Variants in ASTN2 observed in about 807,000 individuals in gnomAD.
ASTN2 encodes astrotactin 2, also known as astrotactin-2.
ASTN2 carries 54 observed loss-of-function variants against 139.8 expected under a neutral mutation model. The ratio of observed to expected loss-of-function variants is 0.39; its 90% confidence interval spans 0.31 to 0.48. The LOEUF (loss-of-function observed/expected upper bound fraction) is 0.48, where lower values mean the gene tolerates loss of function less well. Ranked by LOEUF, ASTN2 falls within the 20% of genes least tolerant of loss-of-function variation. The pLI, the probability that ASTN2 is intolerant of heterozygous loss-of-function variation, is 0.95. For synonymous variants in ASTN2, 756 were observed against 719.5 expected (o/e 1.05, Z -0.81); for missense variants, 1,565 against 1,725.1 (o/e 0.91, Z 1.64).
intron 1 of ASTN2, among the ~76,000 whole-genome samples, chr9:117,379,955 A>T (rs1017597503): frequency 6.6e-6 from 1 of 152,184 alleles, no homozygotes; most frequent in South Asian, 2.1e-4. Flanking sequence ...TACAAAGATC[A>T]ATCTGACAAC....
intron 1 of ASTN2, among the ~76,000 whole-genome samples, chr9:117,399,656 A>G (rs191998498): frequency 4.6e-5 from 7 of 152,338 alleles, no homozygotes; most frequent in South Asian, 2.1e-4. Flanking sequence ...ACCTTATGCA[A>G]TAAGGGTCTA....
chr9:117,256,447 T>A (rs959377106), intron 2 of ASTN2, among the ~76,000 whole-genome samples: 6 of 152,172 alleles, frequency 3.9e-5, no homozygotes, highest in Admixed American at 6.5e-5. Context: ...AACGTTATCA[T>A]TGGTTAGGCA....
intron 2 of ASTN2, among the ~76,000 whole-genome samples, chr9:117,270,211 C>G (rs931250619): frequency 5.3e-5 from 8 of 152,164 alleles, no homozygotes; most frequent in South Asian, 2.1e-4. Flanking sequence ...ATGAGATATA[C>G]TCTCTTTACA....
At chr9:116,654,180 G>A (rs1858081953) in intron 16 of ASTN2, among the ~76,000 whole-genome samples, 3 of 152,180 alleles carry the variant, frequency 2.0e-5, no homozygotes, top group South Asian at 4.1e-4. Context: ...TATGGCCCAT[G>A]GGCCAAATCC....
intron 17 of ASTN2, among the ~76,000 whole-genome samples, chr9:116,643,370 A>G (rs1215636497): frequency 1.3e-5 from 2 of 152,218 alleles, no homozygotes; most frequent in Non-Finnish European, 2.9e-5. Context: ...TTTGCACCCC[A>G]TACTGTTTTC....
chr9:116,459,568 C>T (rs991097433), intron 20 of ASTN2, among the ~76,000 whole-genome samples: 5 of 151,688 alleles, frequency 3.3e-5, no homozygotes, highest in Non-Finnish European at 5.9e-5. Context: ...GAACAATTTA[C>T]GAAGCACAAT....
At chr9:117,413,173 AGGATGG>A (rs1239229400) in intron 1 of ASTN2, among the ~76,000 whole-genome samples, 5 of 152,248 alleles carry the variant, frequency 3.3e-5, no homozygotes, top group Non-Finnish European at 7.3e-5. Context: ...GTAGCATGAA[AGGATGG>A]GGAGTGGGTC....
Position 116,702,957 on chromosome 9 carries a change from A to AGTT in ASTN2, c.2806+22811_2806+22813dup, listed in dbSNP as rs756312051. Among the ~76,000 whole-genome samples the AGTT allele has an allele frequency of 6.6e-5, 10 of 152,304 alleles. No individual in the cohort carries two copies. The South Asian group carries it at 1.7e-3, about 25-fold the overall frequency. ...TGGGTAAGGCAAGTAATGCTTAAGT[A>AGTT]GTTGTACTTTTAATCTAGTGCTAAT... On this transcript the variant is annotated intron_variant, in intron 16 of 22. Coordinates refer to ENST00000313400, the MANE Select transcript of ASTN2 (RefSeq NM_001365068.1).
chr9:117,350,466 C>T (rs529006028), intron 1 of ASTN2, among the ~76,000 whole-genome samples: 2 of 151,506 alleles, frequency 1.3e-5, no homozygotes, highest in African/African-American at 2.4e-5. Context: ...AGGAAAATTG[C>T]TTGAAGCTGA....
In ASTN2 at chr9:116,725,602, T is replaced by C. The variant is rs1176069795; in HGVS notation, c.2806+169A>G. Among the ~76,000 whole-genome samples, 4 of 152,164 alleles carry C rather than the reference T, an allele frequency of 2.6e-5. No individual in the cohort carries two copies. The East Asian group carries it at 7.7e-4, about 29-fold the overall frequency. On this transcript the variant is annotated intron_variant, in intron 16 of 22. Coordinates refer to ENST00000313400, the MANE Select transcript of ASTN2 (RefSeq NM_001365068.1). ...AAAATCATTATACGATCCCTCACTC[T>C]GCCCATGGTGAAACTGAAGCTCAGA...
chr9:117,043,919 A>G (rs371138250), intron 5 of ASTN2, among the ~76,000 whole-genome samples: 4 of 147,604 alleles, frequency 2.7e-5, no homozygotes, highest in Non-Finnish European at 4.5e-5. Context: ...AAAAAAAAAA[A>G]AAAAGAAAAG....
At chr9:116,583,346 A>G (rs559642582) in intron 19 of ASTN2, 2 of 152,328 alleles carry the variant, frequency 1.3e-5, no homozygotes, top group African/African-American at 4.8e-5. Flanking sequence ...ATGGAATGCC[A>G]TGATCTCCCT....
At chr9:116,971,499 T>C (rs1250663775) in intron 10 of ASTN2, among the ~76,000 whole-genome samples, 16 of 152,218 alleles carry the variant, frequency 1.1e-4, no homozygotes, top group Non-Finnish European at 8.8e-5. Context: ...TTACCACACA[T>C]GTGACTCTTC....
chr9:117,311,734 C>A (rs1203679024), intron 1 of ASTN2, among the ~76,000 whole-genome samples: 1 of 152,108 alleles, frequency 6.6e-6, no homozygotes, highest in Admixed American at 6.5e-5. Flanking sequence ...AAAGTAAGCC[C>A]CACAGATATA....
At chr9:116,586,827 T>C (rs4837654) in intron 19 of ASTN2, among the ~76,000 whole-genome samples, 99,745 of 136,136 alleles carry the variant, frequency 0.73, 34,862 homozygotes, top group East Asian at 0.92. Flanking sequence ...CACACACACA[T>C]ACATACACAC....
chr9:116,595,131 G>C (rs1854513950), intron 19 of ASTN2, among the ~76,000 whole-genome samples: 1 of 152,154 alleles, frequency 6.6e-6, no homozygotes, highest in East Asian at 1.9e-4. Flanking sequence ...TTTCCCACAT[G>C]TGAAATGAAG....
At chr9:117,077,620 C>G (rs1828315176) in intron 5 of ASTN2, among the ~76,000 whole-genome samples, 1 of 151,974 alleles carries the variant, frequency 6.6e-6, no homozygotes, top group Non-Finnish European at 1.5e-5. Flanking sequence ...TGGTGGCAAG[C>G]ACCTGTAATT....
At chr9:117,212,104 G>C (rs1361835290) in intron 3 of ASTN2, among the ~76,000 whole-genome samples, 1 of 152,106 alleles carries the variant, frequency 6.6e-6, no homozygotes, top group African/African-American at 2.4e-5. Context: ...AGAGAACCCA[G>C]AAATTTATTT....
At chr9:116,473,456 G>A (rs1169228337) in intron 20 of ASTN2, among the ~76,000 whole-genome samples, 5 of 152,166 alleles carry the variant, frequency 3.3e-5, no homozygotes, top group South Asian at 4.1e-4. Context: ...AGATGATGGG[G>A]GAAAACAATC....
Sources: gnomAD v4.1 joint callset for allele counts (sites outside exome capture counted in the v4.1 genomes callset) on GRCh38, gnomAD v4.1.1 for gene constraint, MANE v1.5 for transcripts, NCBI Gene and HGNC (gene_info 2026-07-23, HGNC 2026-07-21) for gene names.